PRDM14: variants seen among roughly 807,000 people sequenced by gnomAD.
PRDM14 encodes PR domain zinc finger protein 14.
PRDM14 carries 16 observed loss-of-function variants against 48.0 expected under a neutral mutation model. The observed-to-expected ratio is 0.33, with a 90% CI of 0.23 to 0.51. PRDM14 has a LOEUF of 0.51. Ranked by LOEUF, PRDM14 falls within the 20% of genes least tolerant of loss-of-function variation. PRDM14 has a pLI of 0.97. For synonymous variants in PRDM14, 264 were observed against 276.6 expected, an observed-to-expected ratio of 0.95 and a Z score of 0.45; for missense variants, 566 against 719.6, an observed-to-expected ratio of 0.79 and a Z score of 2.44.
chr8:70,061,254 G>A (rs1328475291), intron 5 of PRDM14, among the ~76,000 whole-genome samples: 1 of 152,108 alleles, frequency 6.6e-6, no homozygotes, highest in African/African-American at 2.4e-5. Context: ...AGGATAAAGT[G>A]GCTTTGACTA....
At chr8:70,056,756 T>A (rs575952936) in intron 6 of PRDM14, among the ~76,000 whole-genome samples, 1 of 146,412 alleles carries the variant, frequency 6.8e-6, no homozygotes, top group South Asian at 2.2e-4. Context: ...GAGGTGGAGG[T>A]TGCAGTGAGC....
intron 7 of PRDM14, among the ~76,000 whole-genome samples, chr8:70,054,253 A>G (rs984846706): frequency 6.6e-6 from 1 of 152,238 alleles, no homozygotes; most frequent in Non-Finnish European, 1.5e-5. Flanking sequence ...TTACATCAGT[A>G]GCATCCTTCA....
At position 70,058,760 on chromosome 8, in the gene PRDM14, G is replaced by A; in HGVS notation, c.1266C>T (p.Thr422=). Residue 422 remains threonine (T), a synonymous_variant, in exon 6 of 8, where the codon ACC becomes ACT. Transcript: ENST00000276594. ...KYYRDKHLKY[T]PCVDKGDRKF... ...TCCTATCGCCCTTGTCCACACAGGG[G>A]GTGTACTTGAGGTGCTTATCTCTGT... 6.2e-7 allele frequency: 1 copy of A among 1,613,796 alleles called. No homozygotes were observed. The highest frequency in any genetic ancestry group is 8.5e-7 in the Non-Finnish European group (1 of 1,179,774).
intron 5 of PRDM14, among the ~76,000 whole-genome samples, chr8:70,064,042 G>A (rs1805627263): frequency 6.6e-6 from 1 of 152,094 alleles, no homozygotes; most frequent in South Asian, 2.1e-4. Context: ...CAACCTGTAT[G>A]CAGATATCAG....
At chr8:70,062,065 T>C (rs1302142947) in intron 5 of PRDM14, among the ~76,000 whole-genome samples, 1 of 152,236 alleles carries the variant, frequency 6.6e-6, no homozygotes, top group Admixed American at 6.5e-5. Context: ...AAACCATTCA[T>C]ATTAACAGAT....
In PRDM14 at chr8:70,057,838, T is replaced by C. The variant is rs769033189; in HGVS notation, c.1386+802A>G. Among the ~76,000 whole-genome samples the C allele has an allele frequency of 2.8e-4, 43 of 152,310 alleles. No individual in the cohort carries two copies. In the Middle Eastern group the frequency reaches 0.01, roughly 36 times the overall value. Reference sequence around the variant, plus strand: ...TCAAATTTTATAGGAGTATATAATATAGTGATTAAACATGACTTTTCCAGA... The same window carrying C: ...TCAAATTTTATAGGAGTATATAATACAGTGATTAAACATGACTTTTCCAGA... On this transcript the variant is annotated intron_variant, in intron 6 of 7. Transcript: ENST00000276594.
At chr8:70,070,609 C>A (rs1805750414) in intron 1 of PRDM14, among the ~76,000 whole-genome samples, 1 of 152,190 alleles carries the variant, frequency 6.6e-6, no homozygotes, top group African/African-American at 2.4e-5. Flanking sequence ...TTTTCCCTCG[C>A]GGGCAGCGTC....
Position 70,051,766 on chromosome 8 carries a change from ATTTTT to A in PRDM14, c.*306_*310del, listed in dbSNP as rs1055838783. The A allele has an allele frequency of 5.8e-5, 6 of 103,586 alleles. No individual in the cohort carries two copies. Among genetic ancestry groups the A allele is most frequent in the African/African-American group, 1.8e-4 (2 of 11,172 alleles). 6.4% of individuals were successfully genotyped at this position (103,586 alleles called of 1,614,324 possible). ...GTCTCCACACTCTTGAGGGCTACTC[ATTTTT>A]TTTGTTTTGTTTTGTTTTGAGACAG... On this transcript the variant is annotated 3_prime_UTR_variant, in exon 8 of 8. Coordinates refer to ENST00000276594, the MANE Select transcript of PRDM14 (RefSeq NM_024504.4).
intron 5 of PRDM14, 138 bp downstream of exon 5, chr8:70,066,097 C>G (rs1256819238): frequency 1.4e-5 from 13 of 944,068 alleles, no homozygotes; most frequent in Admixed American, 5.0e-5. Flanking sequence ...GGTAATTCCC[C>G]CCTGGTTAGA....
intron 6 of PRDM14, among the ~76,000 whole-genome samples, chr8:70,057,570 G>T (rs1805497411): frequency 6.6e-6 from 1 of 152,094 alleles, no homozygotes; most frequent in South Asian, 2.1e-4. Flanking sequence ...GGCCTCAGGT[G>T]ATCTGCCCAC....
rs750129075 is a variant in PRDM14 at position 70,068,392 on chromosome 8, G to A, written c.755-5C>T. On this transcript the variant is annotated splice_polypyrimidine_tract_variant and splice_region_variant and intron_variant, in intron 3 of 7. Transcript: ENST00000276594. ...CCGTCTGCATGAGGCATAGACCTAG[G>A]GGAAAGCCGAGGCAGGAAAAGAGAA... 6.8e-6 allele frequency: 11 copies of A among 1,614,138 alleles called. No individual in the cohort carries two copies. The Admixed American group carries it at 1.8e-4, about 27-fold the overall frequency.
chr8:70,055,436 A>T (rs1222629043), intron 6 of PRDM14, 35 bp from the exon 7 acceptor site: 1 of 1,169,266 alleles, frequency 8.6e-7, no homozygotes, highest in Non-Finnish European at 1.3e-6. Context: ...TTGAAATCAC[A>T]CCTTCCTCTA....
intron 1 of PRDM14, among the ~76,000 whole-genome samples, chr8:70,070,334 G>C (rs951392798): frequency 4.6e-5 from 7 of 152,208 alleles, no homozygotes; most frequent in Admixed American, 2.0e-4. Context: ...GGGCTGGGCC[G>C]GGAGCCGAGC....
intron 4 of PRDM14, 37 bp from the exon 5 acceptor site, chr8:70,066,542 C>CT (rs1281904871): frequency 9.1e-6 from 14 of 1,546,210 alleles, no homozygotes; most frequent in Non-Finnish European, 1.2e-5. Context: ...TATTGTACTT[C>CT]TTTTTTGGTC....
At chr8:70,063,913 C>T (rs1688885564) in intron 5 of PRDM14, among the ~76,000 whole-genome samples, 1 of 152,142 alleles carries the variant, frequency 6.6e-6, no homozygotes. Flanking sequence ...ACTTAGAGCT[C>T]CACAGATCAT....
intron 6 of PRDM14, among the ~76,000 whole-genome samples, chr8:70,056,067 A>G (rs193028173): frequency 6.6e-6 from 1 of 152,346 alleles, no homozygotes; most frequent in Admixed American, 6.5e-5. Flanking sequence ...TGTGCTCCAC[A>G]CTGCTAGAAA....
At chr8:70,056,118 A>G (rs10112742) in intron 6 of PRDM14, among the ~76,000 whole-genome samples, 77 of 152,366 alleles carry the variant, frequency 5.1e-4, no homozygotes, top group African/African-American at 1.7e-3. Context: ...ATGAACATGT[A>G]AGCCAACATG....
intron 6 of PRDM14, among the ~76,000 whole-genome samples, chr8:70,056,472 G>T (rs1456156162): frequency 6.6e-6 from 1 of 152,136 alleles, no homozygotes; most frequent in Non-Finnish European, 1.5e-5. Flanking sequence ...CTTTGTATTT[G>T]TTTATTTATT....
chr8:70,065,162 A>C (rs913047279), intron 5 of PRDM14, among the ~76,000 whole-genome samples: 2 of 152,086 alleles, frequency 1.3e-5, no homozygotes, highest in Non-Finnish European at 2.9e-5. Context: ...CTGGGATTAG[A>C]GGCGTGAGCC....
Sources: gnomAD v4.1 joint callset for allele counts (sites outside exome capture counted in the v4.1 genomes callset) on GRCh38, gnomAD v4.1.1 for gene constraint, MANE v1.5 for transcripts, NCBI Gene and HGNC (gene_info 2026-07-23, HGNC 2026-07-21) for gene names.